ADD1: variants seen among roughly 807,000 people sequenced by gnomAD.
ADD1 encodes the protein alpha-adducin.
ADD1 carries 24 observed loss-of-function variants against 80.5 expected under a neutral mutation model. The observed-to-expected ratio is 0.30, with a 90% CI of 0.22 to 0.42. ADD1 has a LOEUF of 0.42. ADD1 is among the 10% of genes least tolerant of loss of function. ADD1 has a pLI of 1.00. For synonymous variants in ADD1, 373 were observed against 393.8 expected, an observed-to-expected ratio of 0.95 and a Z score of 0.63; for missense variants, 948 against 1,019.0, an observed-to-expected ratio of 0.93 and a Z score of 0.95.
chr4:2,844,520 A>C (rs1725883588), intron 1 of ADD1: 1 of 152,202 alleles, frequency 6.6e-6, no homozygotes, highest in Non-Finnish European at 1.5e-5. Flanking sequence ...TAATCGTGGA[A>C]CTTTATCAGC....
intron 14 of ADD1, 88 bp from the exon 15 acceptor site, chr4:2,925,926 G>C (rs752546286): frequency 8.9e-7 from 1 of 1,128,504 alleles, no homozygotes; most frequent in Admixed American, 2.2e-5. Flanking sequence ...GGGCGGCCGA[G>C]CGGGCTGCCC....
intron 2 of ADD1, among the ~76,000 whole-genome samples, chr4:2,876,838 CA>C (rs35435678): frequency 1.8e-3 from 236 of 127,886 alleles, no homozygotes; most frequent in Non-Finnish European, 1.7e-3. Context: ...GACTCCGTCC[CA>C]AAAAAAAAAA....
intron 1 of ADD1, among the ~76,000 whole-genome samples, chr4:2,852,528 G>A (rs1410995032): frequency 1.3e-5 from 2 of 150,356 alleles, no homozygotes; most frequent in Non-Finnish European, 3.0e-5. Flanking sequence ...GGGTTTCGCA[G>A]ATACTCCATT....
intron 4 of ADD1, among the ~76,000 whole-genome samples, chr4:2,888,577 A>C (rs1733784109): frequency 6.7e-6 from 1 of 149,842 alleles, no homozygotes; most frequent in African/African-American, 2.5e-5. Context: ...CACCACACAC[A>C]GCTAATTTTT....
At chr4:2,883,052 G>A (rs1002460409) in intron 3 of ADD1, among the ~76,000 whole-genome samples, 1 of 152,068 alleles carries the variant, frequency 6.6e-6, no homozygotes, top group Admixed American at 6.6e-5. Context: ...TAGTAGAGAC[G>A]GATTTCGCCA....
intron 14 of ADD1, among the ~76,000 whole-genome samples, chr4:2,918,593 G>A (rs1028240804): frequency 6.6e-6 from 1 of 152,158 alleles, no homozygotes; most frequent in Non-Finnish European, 1.5e-5. Context: ...TCTTGTGCCA[G>A]TTTTCAAAGG....
intron 10 of ADD1, 63 bp from the exon 11 acceptor site, chr4:2,907,680 T>C (rs771232743): frequency 2.5e-5 from 33 of 1,334,770 alleles, no homozygotes; most frequent in Non-Finnish European, 3.1e-5. Flanking sequence ...ACTGAATAGA[T>C]TGGATGCTAT....
chr4:2,852,182 C>CTTTCTTT (rs1727243690), intron 1 of ADD1, among the ~76,000 whole-genome samples: 1 of 63,980 alleles, frequency 1.6e-5, no homozygotes, highest in Non-Finnish European at 2.8e-5. Context: ...TTCTTTCTTT[C>CTTTCTTT]TTTCTTTCTT....
At chr4:2,913,482 A>G (rs907043914) in intron 13 of ADD1, among the ~76,000 whole-genome samples, 9 of 152,206 alleles carry the variant, frequency 5.9e-5, no homozygotes, top group African/African-American at 2.2e-4. Flanking sequence ...CGAAAAGCCA[A>G]TGGGCCTCGA....
intron 14 of ADD1, among the ~76,000 whole-genome samples, chr4:2,924,583 G>A (rs1372253365): frequency 6.6e-6 from 1 of 152,214 alleles, no homozygotes. Flanking sequence ...TCGTCATCCT[G>A]GGAGCTAGGC....
At chr4:2,867,004 G>A (rs1729652404) in intron 1 of ADD1, among the ~76,000 whole-genome samples, 2 of 152,156 alleles carry the variant, frequency 1.3e-5, no homozygotes, top group South Asian at 4.1e-4. Flanking sequence ...CCCGGGGGCA[G>A]AGGTTGCAGT....
chr4:2,925,469 G>A (rs1740809887), intron 14 of ADD1, among the ~76,000 whole-genome samples: 1 of 152,180 alleles, frequency 6.6e-6, no homozygotes, highest in Non-Finnish European at 1.5e-5. Context: ...CTATATCCAG[G>A]ATCCTAGTTC....
At chr4:2,907,456 T>A in intron 10 of ADD1, 1 of 297,448 alleles carries the variant, frequency 3.4e-6, no homozygotes, top group Non-Finnish European at 6.6e-6. Flanking sequence ...GTTATGGGGC[T>A]CAGCTCTGTC....
rs566287688 is a variant in ADD1 at position 2,859,484 on chromosome 4, C to A, written c.-21+15460C>A. Among the ~76,000 whole-genome samples the A allele has an allele frequency of 2.6e-5, 4 of 151,998 alleles. No homozygotes were observed. In the South Asian group the frequency reaches 8.3e-4, roughly 32 times the overall value. Reference sequence around the variant, plus strand: ...TATGTGTACAAAGGAAATCATAGGCCATGGGAAATTTTAAATGTAAATAAG... The same window carrying A: ...TATGTGTACAAAGGAAATCATAGGCAATGGGAAATTTTAAATGTAAATAAG... On this transcript the variant is annotated intron_variant, in intron 1 of 15. Coordinates refer to ENST00000683351, the MANE Select transcript of ADD1 (RefSeq NM_001354761.2).
At chr4:2,917,203 C>T (rs573484720) in intron 14 of ADD1, among the ~76,000 whole-genome samples, 2 of 152,316 alleles carry the variant, frequency 1.3e-5, no homozygotes, top group South Asian at 4.1e-4. Flanking sequence ...TCTGTTGTTT[C>T]CTCGCTTTTT....
intron 4 of ADD1, among the ~76,000 whole-genome samples, chr4:2,891,760 G>C (rs1734343051): frequency 6.6e-6 from 1 of 152,140 alleles, no homozygotes; most frequent in African/African-American, 2.4e-5. Context: ...GCTAGGATTT[G>C]AACTTAAGTG....
chr4:2,895,463 G>A (rs1735031830), intron 6 of ADD1, among the ~76,000 whole-genome samples: 1 of 152,028 alleles, frequency 6.6e-6, no homozygotes, highest in Non-Finnish European at 1.5e-5. Flanking sequence ...TGGGGTGTGG[G>A]AGACTTGAAC....
At chr4:2,869,150 A>C (rs906663069) in intron 1 of ADD1, among the ~76,000 whole-genome samples, 2 of 151,988 alleles carry the variant, frequency 1.3e-5, no homozygotes, top group Admixed American at 6.6e-5. Flanking sequence ...GCCCCTCTCT[A>C]TGAGTTTCCT....
In ADD1 at chr4:2,913,024, T is replaced by C. The variant is rs148949307; in HGVS notation, c.1792-1860T>C. On this transcript the variant is annotated intron_variant, in intron 13 of 15. Coordinates refer to ENST00000683351, the MANE Select transcript of ADD1 (RefSeq NM_001354761.2). Reference sequence around the variant, plus strand: ...CACGCCTGGTTAATTTTTTTTGTATTTTTAGTAGAGACAGGTTTTCGCTGT... The same window carrying C: ...CACGCCTGGTTAATTTTTTTTGTATCTTTAGTAGAGACAGGTTTTCGCTGT... Among the ~76,000 whole-genome samples, 58 of 152,108 alleles carry C rather than the reference T, an allele frequency of 3.8e-4. 1 individual carries two copies. In the East Asian group the frequency reaches 0.01, roughly 27 times the overall value.
Sources: allele counts gnomAD v4.1 joint callset (sites outside exome capture counted in the v4.1 genomes callset), GRCh38; gene constraint gnomAD v4.1.1; transcripts MANE v1.5; gene names NCBI Gene and HGNC (gene_info 2026-07-23, HGNC 2026-07-21).